The following PALM2AKAP2 variants were observed in gnomAD, a reference collection of about 807,000 sequenced individuals.
PALM2AKAP2 encodes the protein PALM2-AKAP2 fusion protein.
In PALM2AKAP2, 37 loss-of-function variants were observed where a neutral mutation model predicts 71.5. The ratio of observed to expected loss-of-function variants is 0.52; its 90% CI spans 0.40 to 0.68. The LOEUF is 0.68. Ranked by LOEUF, PALM2AKAP2 falls within the 30% of genes least tolerant of loss-of-function variation. PALM2AKAP2 has a pLI of 0.00. For synonymous variants in PALM2AKAP2, 468 were observed against 478.8 expected, an observed-to-expected ratio of 0.98 and a Z score of 0.29; for missense variants, 1,224 against 1,191.8, an observed-to-expected ratio of 1.03 and a Z score of -0.40.
chr9:109,978,990 C>CTT (rs374404971), intron 6 of PALM2AKAP2, among the ~76,000 whole-genome samples: 2 of 145,880 alleles, frequency 1.4e-5, no homozygotes, highest in African/African-American at 2.5e-5. Flanking sequence ...TCCAGGCCTT[C>CTT]TTTTTTTTTT....
At chr9:109,716,955 G>A (rs1828333703) in intron 1 of PALM2AKAP2, among the ~76,000 whole-genome samples, 1 of 152,148 alleles carries the variant, frequency 6.6e-6, no homozygotes, top group Non-Finnish European at 1.5e-5. Flanking sequence ...AACTCCTGAT[G>A]GGATGTCTGG....
chr9:109,643,131 G>A (rs1315913160), intron 1 of PALM2AKAP2, among the ~76,000 whole-genome samples: 1 of 152,098 alleles, frequency 6.6e-6, no homozygotes, highest in Non-Finnish European at 1.5e-5. Flanking sequence ...AGGAAAGAAA[G>A]GGAAAGACAA....
chr9:109,674,993 T>C (rs138659714), intron 1 of PALM2AKAP2, among the ~76,000 whole-genome samples: 6 of 152,188 alleles, frequency 3.9e-5, no homozygotes, highest in African/African-American at 1.4e-4. Flanking sequence ...ATAAATTACA[T>C]GAGATACTCA....
intron 2 of PALM2AKAP2, among the ~76,000 whole-genome samples, chr9:110,147,289 A>G (rs1836200828): frequency 6.6e-6 from 1 of 151,596 alleles, no homozygotes. Flanking sequence ...GGTCAGGGAG[A>G]ATATATGCTA....
At chr9:110,164,642 T>C (rs190761461) in intron 3 of PALM2AKAP2, among the ~76,000 whole-genome samples, 41 of 151,646 alleles carry the variant, frequency 2.7e-4, no homozygotes, top group Admixed American at 1.2e-3. Context: ...GCGAGTCTCA[T>C]GCCTCAACCT....
chr9:109,792,936 C>T (rs994996298), intron 1 of PALM2AKAP2, among the ~76,000 whole-genome samples: 11 of 152,310 alleles, frequency 7.2e-5, no homozygotes, highest in South Asian at 2.1e-4. Flanking sequence ...AGCCCATCCT[C>T]TTCACATTCA....
At position 109,867,627 on chromosome 9, in the gene PALM2AKAP2, G is replaced by A. The variant is rs1433849879; in HGVS notation, c.126+56G>A. On this transcript the variant is annotated intron_variant, in intron 2 of 9. Coordinates refer to the PALM2AKAP2 transcript ENST00000302798. ...TTATTAGACATGCAGATCACACTCC[G>A]GAGAGCTGGGCAGTGCCTGCCCTGC... 9.6e-6 allele frequency: 15 copies of A among 1,561,402 alleles called. No individual in the cohort carries two copies. In the East Asian group the frequency reaches 1.6e-4, roughly 17 times the overall value.
At position 109,717,686 on chromosome 9, in the gene PALM2AKAP2, A is replaced by C. The variant is rs974206510; in HGVS notation, c.6-62802A>C. 1.4e-4 allele frequency among the ~76,000 whole-genome samples: 21 copies of C among 152,252 alleles called. 1 individual carries two copies. Among genetic ancestry groups the C allele is most frequent in the Admixed American group, 1.3e-4 (2 of 15,286 alleles). ...TTGTGTCTGATCTCTGGCTAGGCTC[A>C]CAAGCCCAGCAGGAGCCTGTCCTAC... On this transcript the variant is annotated intron_variant, in intron 1 of 6. Coordinates refer to the PALM2AKAP2 transcript ENST00000374531.
At chr9:109,902,119 T>C (rs1022498487) in intron 3 of PALM2AKAP2, among the ~76,000 whole-genome samples, 3 of 152,238 alleles carry the variant, frequency 2.0e-5, no homozygotes, top group African/African-American at 7.2e-5. Context: ...AGTATCAGAC[T>C]GACCTCATCT....
intron 6 of PALM2AKAP2, among the ~76,000 whole-genome samples, chr9:109,947,587 C>T (rs1008408944): frequency 3.3e-5 from 5 of 152,142 alleles, no homozygotes; most frequent in Admixed American, 2.6e-4. Context: ...AATATTAGCC[C>T]TGCCAATATA....
chr9:109,892,335 G>A lies in PALM2AKAP2; in HGVS notation c.257+11654G>A, dbSNP rs148780548. Among the ~76,000 whole-genome samples the A allele has an allele frequency of 1.8e-4, 28 of 152,196 alleles. No individual in the cohort carries two copies. The East Asian group carries it at 2.3e-3, about 13-fold the overall frequency. On this transcript the variant is annotated intron_variant, in intron 3 of 9. Transcript: ENST00000302798. ...TGTCTTCTCCTTTGTCTCTCATAAA[G>A]ACCCCTATCATTGGATTTAGGGCCC... is the stretch of plus-strand genomic sequence containing the variant.
chr9:109,760,964 T>C (rs1829041769), intron 1 of PALM2AKAP2, among the ~76,000 whole-genome samples: 1 of 152,202 alleles, frequency 6.6e-6, no homozygotes, highest in Non-Finnish European at 1.5e-5. Context: ...AACACATGCA[T>C]TGAAGGCGTG....
intron 6 of PALM2AKAP2, among the ~76,000 whole-genome samples, chr9:109,983,387 A>G (rs1252034865): frequency 6.6e-6 from 1 of 151,382 alleles, no homozygotes; most frequent in African/African-American, 2.4e-5. Context: ...TGTTCCATTC[A>G]TGCTCTCTCT....
chr9:109,924,651 C>A (rs1830911601), intron 4 of PALM2AKAP2, among the ~76,000 whole-genome samples: 1 of 151,972 alleles, frequency 6.6e-6, no homozygotes, highest in Non-Finnish European at 1.5e-5. Context: ...ACAGGTGGTG[C>A]CGTGTATCAA....
At chr9:110,164,555 C>T (rs1399008144) in intron 3 of PALM2AKAP2, among the ~76,000 whole-genome samples, 2 of 139,072 alleles carry the variant, frequency 1.4e-5, no homozygotes, top group South Asian at 2.2e-4. Flanking sequence ...TTTTGAGACA[C>T]CGTCTCACTC....
chr9:110,047,098 A>G (rs2132484571), upstream of PALM2AKAP2, among the ~76,000 whole-genome samples: 1 of 152,336 alleles, frequency 6.6e-6, no homozygotes, highest in East Asian at 1.9e-4. Flanking sequence ...GAAAAGAAGG[A>G]AAAGGAAGGA....
intron 1 of PALM2AKAP2, among the ~76,000 whole-genome samples, chr9:109,814,542 A>G (rs1476970976): frequency 6.6e-6 from 1 of 152,198 alleles, no homozygotes; most frequent in African/African-American, 2.4e-5. Flanking sequence ...TGATTCACTC[A>G]TATGCAGAAT....
intron 3 of PALM2AKAP2, among the ~76,000 whole-genome samples, chr9:109,914,046 G>A (rs111738857): frequency 0.011 from 1,632 of 152,148 alleles, 10 homozygotes; most frequent in South Asian, 0.023. Flanking sequence ...GTGAACCACC[G>A]CGCCCGGCCA....
rs185517494 is a variant in PALM2AKAP2, at chr9:109,821,354, C to A, written c.45+40821C>A. On this transcript the variant is annotated intron_variant, in intron 1 of 9. Transcript: ENST00000302798. ...AATGAAACAACAACAACAACAACAA[C>A]AAAATAATAATAATAATTGTCTTTG... Among the ~76,000 whole-genome samples the A allele has an allele frequency of 8.3e-3, 1,258 of 152,248 alleles. 4 individuals carry two copies. Among genetic ancestry groups the A allele is most frequent in the Admixed American group, 0.011 (161 of 15,288 alleles).
Sources: allele counts gnomAD v4.1 joint callset (sites outside exome capture counted in the v4.1 genomes callset), GRCh38; gene constraint gnomAD v4.1.1; transcripts MANE v1.5; gene names NCBI Gene and HGNC (gene_info 2026-07-23, HGNC 2026-07-21).